Variants in SLX4IP observed in about 807,000 individuals in gnomAD.
SLX4IP encodes the protein SLX4 interacting protein.
In SLX4IP, 34 loss-of-function variants were observed where a neutral mutation model predicts 32.9. That is an observed-to-expected ratio of 1.03 (90% CI 0.79 to 1.38). The LOEUF (loss-of-function observed/expected upper bound fraction) is 1.38. SLX4IP is among the 40% of genes most tolerant of loss of function. SLX4IP has a pLI of 0.00. For missense variants in SLX4IP, 444 were observed against 479.0 expected (o/e 0.93, Z 0.68); for synonymous variants, 172 against 171.7 (o/e 1.00, Z -0.01).
intron 2 of SLX4IP, among the ~76,000 whole-genome samples, chr20:10,546,892 ATCAGT>A (rs1849843007): frequency 6.6e-6 from 1 of 152,200 alleles, no homozygotes; most frequent in South Asian, 2.1e-4. Context: ...AAGAAATGAA[ATCAGT>A]TCTCATCTTT....
chr20:10,477,376 C>T (rs1364204415), intron 2 of SLX4IP, among the ~76,000 whole-genome samples: 1 of 152,124 alleles, frequency 6.6e-6, no homozygotes, highest in African/African-American at 2.4e-5. Flanking sequence ...AAACTCTTGA[C>T]CTCATGATCT....
intron 4 of SLX4IP, among the ~76,000 whole-genome samples, chr20:10,592,389 C>A (rs1325998639): frequency 6.6e-6 from 1 of 151,866 alleles, no homozygotes; most frequent in Admixed American, 6.6e-5. Context: ...CACTTGGACC[C>A]ATAACATGTT....
chr20:10,494,423 G>A (rs1485159231), intron 2 of SLX4IP, among the ~76,000 whole-genome samples: 1 of 150,344 alleles, frequency 6.7e-6, no homozygotes, highest in Non-Finnish European at 1.5e-5. Context: ...TTATTGGTTT[G>A]TATACAATAT....
chr20:10,474,681 G>T (rs534350299), intron 2 of SLX4IP, among the ~76,000 whole-genome samples: 1 of 152,246 alleles, frequency 6.6e-6, no homozygotes, highest in African/African-American at 2.4e-5. Flanking sequence ...TCCGCCGGCC[G>T]CCTTGTTCAC....
chr20:10,485,975 CAGA>C (rs1414534710), intron 2 of SLX4IP, among the ~76,000 whole-genome samples: 4 of 151,774 alleles, frequency 2.6e-5, no homozygotes, highest in African/African-American at 4.8e-5. Flanking sequence ...GTGGTGGAGG[CAGA>C]AGAAGTGGAG....
chr20:10,491,988 C>T (rs1279219129), intron 2 of SLX4IP, among the ~76,000 whole-genome samples: 5 of 152,208 alleles, frequency 3.3e-5, no homozygotes, highest in Non-Finnish European at 7.3e-5. Context: ...ATAAATGGTA[C>T]ATGCTGTGCA....
intron 4 of SLX4IP, among the ~76,000 whole-genome samples, chr20:10,561,123 A>G (rs2066328043): frequency 6.6e-6 from 1 of 152,170 alleles, no homozygotes; most frequent in Non-Finnish European, 1.5e-5. Context: ...AATTGTACAC[A>G]TTCATAGGAT....
In SLX4IP at chr20:10,623,656, A is replaced by T; in HGVS notation, c.*277A>T. 2.2e-6 allele frequency: 1 copy of T among 463,924 alleles called. No individual in the cohort carries two copies. Among genetic ancestry groups the T allele is most frequent in the Non-Finnish European group, 3.8e-6 (1 of 262,042 alleles). The allele number at this position is 463,924 out of a possible 1,614,324, so 28.7% of individuals were successfully genotyped here. A position where few individuals can be genotyped will look rare whatever the true frequency, so the allele number is the denominator to read the frequency against. On this transcript the variant is annotated 3_prime_UTR_variant, in exon 8 of 8. Coordinates refer to ENST00000334534, the MANE Select transcript of SLX4IP (RefSeq NM_001009608.3). ...CAAAGAGCCATCCACCTTGTCAGGG[A>T]GGAGACTGTGCAAGGACTGCATGAA...
At chr20:10,583,417 A>G (rs955126229) in intron 4 of SLX4IP, among the ~76,000 whole-genome samples, 19 of 152,202 alleles carry the variant, frequency 1.2e-4, no homozygotes, top group Admixed American at 1.2e-3. Flanking sequence ...TATCTTTATC[A>G]TAGAAGAACA....
chr20:10,568,101 A>G (rs1457950972), intron 4 of SLX4IP, among the ~76,000 whole-genome samples: 1 of 152,232 alleles, frequency 6.6e-6, no homozygotes, highest in African/African-American at 2.4e-5. Flanking sequence ...TTTCCTGTGC[A>G]CCAGGCCATT....
intron 2 of SLX4IP, among the ~76,000 whole-genome samples, chr20:10,463,449 A>G (rs971033135): frequency 3.3e-5 from 5 of 152,146 alleles, no homozygotes; most frequent in African/African-American, 1.2e-4. Flanking sequence ...GGTCAGAGAG[A>G]CCTTGCTGCT....
chr20:10,492,245 G>C (rs978401704), intron 2 of SLX4IP, among the ~76,000 whole-genome samples: 1 of 152,174 alleles, frequency 6.6e-6, no homozygotes, highest in Non-Finnish European at 1.5e-5. Flanking sequence ...GATGTGTCCT[G>C]GAGTGGGATT....
intron 2 of SLX4IP, among the ~76,000 whole-genome samples, chr20:10,515,968 A>G (rs1325517989): frequency 6.6e-6 from 1 of 152,108 alleles, no homozygotes; most frequent in Non-Finnish European, 1.5e-5. Context: ...AGCTCACTGT[A>G]GCCTCTGCCT....
At chr20:10,457,063 A>G (rs988316512) in intron 1 of SLX4IP, among the ~76,000 whole-genome samples, 1 of 152,158 alleles carries the variant, frequency 6.6e-6, no homozygotes, top group African/African-American at 2.4e-5. Flanking sequence ...TAAAATATTT[A>G]TCATATATCC....
intron 2 of SLX4IP, among the ~76,000 whole-genome samples, chr20:10,482,214 G>T (rs1405807654): frequency 6.6e-6 from 1 of 152,062 alleles, no homozygotes; most frequent in Non-Finnish European, 1.5e-5. Flanking sequence ...ATTTTTTCCT[G>T]CTTTTCCTAC....
At chr20:10,613,823 C>T (rs1234133121) in intron 6 of SLX4IP, 1 of 1,610,916 alleles carries the variant, frequency 6.2e-7, no homozygotes, top group Non-Finnish European at 8.5e-7. Flanking sequence ...CCAGATAGGC[C>T]TGCTTAATAT....
At chr20:10,483,585 CA>C (rs1218857598) in intron 2 of SLX4IP, among the ~76,000 whole-genome samples, 1 of 152,038 alleles carries the variant, frequency 6.6e-6, no homozygotes, top group Non-Finnish European at 1.5e-5. Context: ...ATTTTAATTA[CA>C]TATTACAATT....
chr20:10,516,746 GA>G, intron 2 of SLX4IP, among the ~76,000 whole-genome samples: 1 of 152,272 alleles, frequency 6.6e-6, no homozygotes, highest in East Asian at 1.9e-4. Flanking sequence ...CATCAGCAAA[GA>G]AAATTTCAAA....
chr20:10,449,697 G>GT (rs1225876230), intron 1 of SLX4IP, among the ~76,000 whole-genome samples: 1 of 152,144 alleles, frequency 6.6e-6, no homozygotes, highest in Non-Finnish European at 1.5e-5. Flanking sequence ...GTGGAAACAA[G>GT]TGAAAAAGTT....
Sources: allele counts gnomAD v4.1 joint callset (sites outside exome capture counted in the v4.1 genomes callset), GRCh38; gene constraint gnomAD v4.1.1; transcripts MANE v1.5; gene names NCBI Gene and HGNC (gene_info 2026-07-23, HGNC 2026-07-21).